The following NVL variants were observed in gnomAD, a reference collection of about 807,000 sequenced individuals.
The protein encoded by NVL is nuclear VCP like, also known as nuclear valosin-containing protein-like.
In NVL, 84 loss-of-function variants were observed where a neutral mutation model predicts 110.2. That is an observed-to-expected ratio of 0.76 (90% CI 0.64 to 0.91). NVL has a LOEUF of 0.91. Among genes scored for constraint, NVL ranks in the 40% least tolerant of loss-of-function variants. The pLI is 0.00. For synonymous variants in NVL, 354 were observed against 361.1 expected, an observed-to-expected ratio of 0.98 and a Z score of 0.22; for missense variants, 882 against 1,035.9, an observed-to-expected ratio of 0.85 and a Z score of 2.04.
At chr1:224,283,758 T>C (rs1454530887) in intron 15 of NVL, among the ~76,000 whole-genome samples, 1 of 152,222 alleles carries the variant, frequency 6.6e-6, no homozygotes, top group African/African-American at 2.4e-5. Context: ...CAGAACCTTC[T>C]TTCTGGCTAT....
At chr1:224,290,246 C>T (rs192728145) in intron 12 of NVL, among the ~76,000 whole-genome samples, 2 of 152,304 alleles carry the variant, frequency 1.3e-5, no homozygotes, top group Admixed American at 1.3e-4. Context: ...TTTTGTTCAA[C>T]CTAACTGGCA....
chr1:224,279,903 T>C (rs1390598848), intron 16 of NVL, among the ~76,000 whole-genome samples: 1 of 152,124 alleles, frequency 6.6e-6, no homozygotes, highest in Non-Finnish European at 1.5e-5. Context: ...TGGTCTGTCT[T>C]AAATGCCTGG....
chr1:224,317,417 A>T (rs1372810857), intron 4 of NVL, among the ~76,000 whole-genome samples: 1 of 152,206 alleles, frequency 6.6e-6, no homozygotes, highest in East Asian at 1.9e-4. Context: ...TCTTAGGCCT[A>T]ATAAAGGCAG....
intron 17 of NVL, among the ~76,000 whole-genome samples, chr1:224,270,297 C>A (rs973904887): frequency 1.3e-5 from 2 of 152,186 alleles, no homozygotes; most frequent in Non-Finnish European, 2.9e-5. Flanking sequence ...TGGCTCACAC[C>A]TGTAATCCCA....
At chr1:224,229,308 T>A (rs71527007) in intron 22 of NVL, among the ~76,000 whole-genome samples, 12,474 of 150,798 alleles carry the variant, frequency 0.083, 604 homozygotes, top group South Asian at 0.12. Context: ...AAAAAATAAA[T>A]AAATAAATAA....
intron 18 of NVL, among the ~76,000 whole-genome samples, chr1:224,256,025 T>C (rs1255705935): frequency 2.6e-5 from 4 of 152,222 alleles, no homozygotes; most frequent in African/African-American, 7.2e-5. Flanking sequence ...ACATCAACTA[T>C]CTAGATATGC....
chr1:224,279,527 C>T (rs1666109466), intron 16 of NVL, among the ~76,000 whole-genome samples: 1 of 152,062 alleles, frequency 6.6e-6, no homozygotes, highest in Non-Finnish European at 1.5e-5. Context: ...TTGCTTTATA[C>T]CATGGAGAGT....
chr1:224,250,843 G>A (rs1045879482), intron 18 of NVL, among the ~76,000 whole-genome samples: 2 of 152,100 alleles, frequency 1.3e-5, no homozygotes, highest in African/African-American at 2.4e-5. Flanking sequence ...TTTTAGTAGA[G>A]ACAGGATTTC....
intron 2 of NVL, among the ~76,000 whole-genome samples, chr1:224,322,327 T>A (rs76280043): frequency 2.9e-4 from 43 of 149,652 alleles, no homozygotes; most frequent in Admixed American, 7.4e-4. Context: ...CAAGCAATCC[T>A]CCTGTGTCAG....
chr1:224,318,613 A>G (rs1670320855), intron 2 of NVL, among the ~76,000 whole-genome samples: 1 of 152,028 alleles, frequency 6.6e-6, no homozygotes, highest in African/African-American at 2.4e-5. Context: ...AAAAAATAAT[A>G]AATTAAAAAA....
chr1:224,240,463 C>T (rs537424320), intron 19 of NVL, among the ~76,000 whole-genome samples: 328 of 151,866 alleles, frequency 2.2e-3, no homozygotes, highest in African/African-American at 7.6e-3. Flanking sequence ...TGCCCGCCTC[C>T]GCCTCCCAAA....
intron 9 of NVL, chr1:224,301,544 G>A (rs1668406380): frequency 6.0e-6 from 1 of 166,582 alleles, no homozygotes; most frequent in South Asian, 1.1e-4. Context: ...GACTCTTTAA[G>A]AAGAGGCCAG....
At chr1:224,307,889 T>A in intron 6 of NVL, 102 bp downstream of exon 6, 1 of 1,116,782 alleles carries the variant, frequency 9.0e-7, no homozygotes, top group Non-Finnish European at 1.2e-6. Context: ...TTAAAGTTCC[T>A]ATGCCTTCCA....
chr1:224,305,204 A>C (rs770622405), intron 6 of NVL, 38 bp from the exon 7 acceptor site: 1 of 1,572,200 alleles, frequency 6.4e-7, no homozygotes, highest in Admixed American at 1.9e-5. Flanking sequence ...CATGCTTAAA[A>C]TTCTATGCCA....
intron 11 of NVL, among the ~76,000 whole-genome samples, chr1:224,294,961 G>A (rs907268247): frequency 3.9e-5 from 6 of 152,208 alleles, no homozygotes; most frequent in African/African-American, 1.4e-4. Context: ...AGAATAGACT[G>A]ATAAAATTAA....
At chr1:224,254,282 G>A (rs145090227) in intron 18 of NVL, among the ~76,000 whole-genome samples, 8,461 of 149,176 alleles carry the variant, frequency 0.057, 274 homozygotes, top group East Asian at 0.1. Flanking sequence ...TAGTAGAGAC[G>A]GGGTTTCACC....
At chr1:224,296,993 A>G (rs1667944099) in intron 10 of NVL, among the ~76,000 whole-genome samples, 1 of 152,236 alleles carries the variant, frequency 6.6e-6, no homozygotes, top group African/African-American at 2.4e-5. Flanking sequence ...AAGTTTATAA[A>G]CTTTAAATTA....
At chr1:224,303,291 C>A (rs1210841331) in intron 9 of NVL, among the ~76,000 whole-genome samples, 1 of 151,570 alleles carries the variant, frequency 6.6e-6, no homozygotes, top group Non-Finnish European at 1.5e-5. Flanking sequence ...AAAAATCAGC[C>A]GGGCGTGGTG....
intron 18 of NVL, among the ~76,000 whole-genome samples, chr1:224,250,723 T>A (rs975110355): frequency 2.6e-5 from 4 of 152,092 alleles, no homozygotes; most frequent in African/African-American, 4.8e-5. Flanking sequence ...TCCCACTCTT[T>A]CCCTCGAGTC....
Sources: gnomAD v4.1 joint callset for allele counts (sites outside exome capture counted in the v4.1 genomes callset) on GRCh38, gnomAD v4.1.1 for gene constraint, MANE v1.5 for transcripts, NCBI Gene and HGNC (gene_info 2026-07-23, HGNC 2026-07-21) for gene names.